The following QRICH1 variants were observed in gnomAD, a reference collection of about 807,000 sequenced individuals.
QRICH1 encodes transcriptional regulator QRICH1.
Under a neutral mutation model 87.1 loss-of-function variants are expected in QRICH1, and 16 were observed. That is an observed-to-expected ratio of 0.18 (90% CI 0.12 to 0.28). The LOEUF (loss-of-function observed/expected upper bound fraction) is 0.28, where lower values mean the gene tolerates loss of function less well. QRICH1 is among the 10% of genes least tolerant of loss of function. The pLI is 1.00. For missense variants in QRICH1, 647 were observed against 951.7 expected (o/e 0.68, Z 4.21); for synonymous variants, 367 against 368.4 (o/e 1.00, Z 0.05).
At chr3:49,088,654 C>G (rs1407872037) in intron 1 of QRICH1, among the ~76,000 whole-genome samples, 1 of 130,284 alleles carries the variant, frequency 7.7e-6, no homozygotes, top group Non-Finnish European at 1.6e-5. Flanking sequence ...GAGACAAGGT[C>G]TTGCTCCACT....
At position 49,057,434 on chromosome 3, in the gene QRICH1, C is replaced by T; in HGVS notation, c.766G>A (p.Val256Met). ...GGCTGCCCTGAGATGGCGTAGGACA[C>T]AGTGATGGGCATGTCCACTTTGCGC... ...KKRKVDMPIT[V>M]SYAISGQPVA... The change falls in exon 3 of 10, where the codon GTG (valine) becomes ATG (methionine). Residue 256 changes from valine to methionine, a missense_variant. Physicochemically the swap from Val to Met is conservative, Grantham distance 21 (BLOSUM62 1). This residue lies in a region of QRICH1 where 75 missense variants were observed against 141.0 expected (regional missense o/e 0.53). Transcript: ENST00000395443. This position sits in a 1 kb window ranked among gnomAD's most constrained non-coding sequence, Gnocchi z 5.4. The T allele has an allele frequency of 6.2e-7, 1 of 1,614,096 alleles. No individual in the cohort carries two copies. The highest frequency in any genetic ancestry group is 8.5e-7 in the Non-Finnish European group (1 of 1,180,026).
At chr3:49,051,729 C>A (rs868261535) in intron 3 of QRICH1, among the ~76,000 whole-genome samples, 1 of 152,130 alleles carries the variant, frequency 6.6e-6, no homozygotes, top group Non-Finnish European at 1.5e-5. Context: ...CTCTCTCCTT[C>A]GTTCAATGGC....
At chr3:49,073,898 C>G (rs775703531) in intron 2 of QRICH1, among the ~76,000 whole-genome samples, 3 of 151,950 alleles carry the variant, frequency 2.0e-5, no homozygotes, top group Non-Finnish European at 2.9e-5. Context: ...ATCCTCCCAC[C>G]TCAGCTTCCC....
chr3:49,048,186 G>T lies in QRICH1; in HGVS notation c.1339-940C>A, dbSNP rs1011141731. On this transcript the variant is annotated intron_variant, in intron 3 of 9. Transcript: ENST00000395443. ...CGCTCTTGTTCTTGGATGCTGGAGT[G>T]CAATGGCAGGATCTCGGCTCACCTC... 7.3e-5 allele frequency among the ~76,000 whole-genome samples: 11 copies of T among 150,864 alleles called. No individual in the cohort carries two copies. In the South Asian group the frequency reaches 8.4e-4, roughly 11 times the overall value.
chr3:49,068,866 A>G (rs1287239683), intron 2 of QRICH1, among the ~76,000 whole-genome samples: 3 of 151,834 alleles, frequency 2.0e-5, no homozygotes, highest in Non-Finnish European at 4.4e-5. Flanking sequence ...CCTGAGCTCA[A>G]GCAATCCACT....
At chr3:49,067,360 G>A (rs1269962754) in intron 2 of QRICH1, among the ~76,000 whole-genome samples, 1 of 151,834 alleles carries the variant, frequency 6.6e-6, no homozygotes, top group Non-Finnish European at 1.5e-5. Flanking sequence ...AAGGTCAGGA[G>A]ATCAAGACCA....
At position 49,033,111 on chromosome 3, in the gene QRICH1, A is replaced by G; in HGVS notation, c.1895+9T>C. The G allele has an allele frequency of 6.6e-7, 1 of 1,515,800 alleles. No individual in the cohort carries two copies. Among genetic ancestry groups the G allele is most frequent in the Non-Finnish European group, 8.9e-7 (1 of 1,127,800 alleles). The allele number at this position is 1,515,800 out of a possible 1,614,324, so 93.9% of individuals were successfully genotyped here. ...CAGATGCCAGCAGTGGAGCCTCTAGAACACTTACTTGGTATTAAAGAACAT... is the reference window on the plus strand; with the variant it reads ...CAGATGCCAGCAGTGGAGCCTCTAGGACACTTACTTGGTATTAAAGAACAT... On this transcript the variant is annotated intron_variant, in intron 7 of 9. Coordinates refer to ENST00000395443, the MANE Select transcript of QRICH1 (RefSeq NM_198880.3).
chr3:49,035,866 G>C (rs911841595), intron 6 of QRICH1, among the ~76,000 whole-genome samples: 2 of 151,054 alleles, frequency 1.3e-5, no homozygotes, highest in African/African-American at 4.9e-5. Context: ...CTGGAACCTA[G>C]GAGTTTGAGA....
In QRICH1 at chr3:49,076,923, T is replaced by C. The variant is rs774435612; in HGVS notation, c.95A>G (p.Asp32Gly). ...VPQHRMKEFL[D>G]SLASKGPEAL... ...TTCTGGCCCCTTAGAGGCCAGTGAG[T>C]CCAGAAATTCCTTCATCCTGTGTTG... Residue 32 changes from aspartate (D) to glycine (G), a missense_variant, in exon 2 of 10, where the codon GAC becomes GGC. Transcript: ENST00000395443. The C allele has an allele frequency of 6.2e-7, 1 of 1,612,750 alleles. No individual in the cohort carries two copies. Among genetic ancestry groups the C allele is most frequent in the Non-Finnish European group, 8.5e-7 (1 of 1,179,186 alleles).
In QRICH1 at chr3:49,044,384, T is replaced by G; in HGVS notation, c.1786+6A>C. 6.3e-7 allele frequency: 1 copy of G among 1,593,096 alleles called. No homozygotes were observed. The highest frequency in any genetic ancestry group is 8.6e-7 in the Non-Finnish European group (1 of 1,164,990). On this transcript the variant is annotated splice_donor_region_variant and intron_variant, in intron 6 of 9. Transcript: ENST00000395443. ...AAAGATATCCAAGGACAAGGGAGACTCTTACCAAGTGGAGTGACCCGGGGC... is the reference window on the plus strand; with the variant it reads ...AAAGATATCCAAGGACAAGGGAGACGCTTACCAAGTGGAGTGACCCGGGGC...
Position 49,076,704 on chromosome 3 carries a change from T to G in QRICH1, c.309+5A>C. 2 of 1,546,426 alleles carry G rather than the reference T, an allele frequency of 1.3e-6. No individual in the cohort carries two copies. Among genetic ancestry groups the G allele is most frequent in the Non-Finnish European group, 1.8e-6 (2 of 1,142,544 alleles). On this transcript the variant is annotated splice_donor_5th_base_variant and intron_variant, in intron 2 of 9. Transcript: ENST00000395443. ...ACAGGCTGCACCTCAGCATTTCCCA[T>G]ATACCTGAACCTGCTGCGGCTGCTG...
At chr3:49,066,384 T>G (rs1219013931) in intron 2 of QRICH1, among the ~76,000 whole-genome samples, 1 of 152,136 alleles carries the variant, frequency 6.6e-6, no homozygotes, top group Non-Finnish European at 1.5e-5. Flanking sequence ...TAAAACAAAA[T>G]GTCAAAAATC....
At chr3:49,079,403 TA>T (rs952094598) in intron 1 of QRICH1, among the ~76,000 whole-genome samples, 2 of 147,726 alleles carry the variant, frequency 1.4e-5, no homozygotes, top group Non-Finnish European at 3.0e-5. Flanking sequence ...AATAAATAAA[TA>T]AAATAAAATA....
chr3:49,054,758 C>T lies in QRICH1; in HGVS notation c.1338+2104G>A, dbSNP rs146642974. Among the ~76,000 whole-genome samples, 426 of 151,966 alleles carry T rather than the reference C, an allele frequency of 2.8e-3. 3 individuals are homozygous for T. The highest frequency in any genetic ancestry group is 9.6e-3 in the African/African-American group (396 of 41,430). Reference sequence around the variant, plus strand: ...TGTCTCTACAAATATATATATATGCCGAGTGTGGTAGTCTGTGCCTATAGT... The same window carrying T: ...TGTCTCTACAAATATATATATATGCTGAGTGTGGTAGTCTGTGCCTATAGT... On this transcript the variant is annotated intron_variant, in intron 3 of 9. Coordinates refer to ENST00000395443, the MANE Select transcript of QRICH1 (RefSeq NM_198880.3).
rs569795401 is a variant in QRICH1, at chr3:49,043,799, C to T, written c.1786+591G>A. On this transcript the variant is annotated intron_variant, in intron 6 of 9. Transcript: ENST00000395443. ...AGTGAGCCAAGATCGTGCCACTGCACTCCACCCTGGGCTATAGAGTGAGAC... is the reference window on the plus strand; with the variant it reads ...AGTGAGCCAAGATCGTGCCACTGCATTCCACCCTGGGCTATAGAGTGAGAC... Among the ~76,000 whole-genome samples the T allele has an allele frequency of 2.8e-3, 433 of 152,284 alleles. 7 individuals are homozygous for T. In the Middle Eastern group the frequency reaches 0.037, roughly 13 times the overall value.
rs1361937330 is a variant in QRICH1 at position 49,050,031 on chromosome 3, C to G, written c.1339-2785G>C. 2.0e-5 allele frequency among the ~76,000 whole-genome samples: 3 copies of G among 150,530 alleles called. No individual in the cohort carries two copies. In the South Asian group the frequency reaches 6.3e-4, roughly 32 times the overall value. Reference sequence around the variant, plus strand: ...CCTGGCCAACATGCTGAAACCCTGTCTCTACCAGAAATATAAAAAATTAGG... The same window carrying G: ...CCTGGCCAACATGCTGAAACCCTGTGTCTACCAGAAATATAAAAAATTAGG... On this transcript the variant is annotated intron_variant, in intron 3 of 9. Coordinates refer to ENST00000395443, the MANE Select transcript of QRICH1 (RefSeq NM_198880.3).
intron 7 of QRICH1, 139 bp from the exon 8 acceptor site, chr3:49,032,912 A>T (rs1359198314): frequency 3.7e-5 from 42 of 1,130,446 alleles, no homozygotes; most frequent in Non-Finnish European, 5.1e-5. Flanking sequence ...AGCAGTGTCC[A>T]GTGCAGGAAC....
In QRICH1 at chr3:49,057,972, C is replaced by G. The variant is rs1474422788; in HGVS notation, c.310-82G>C. 6.2e-7 allele frequency: 1 copy of G among 1,605,716 alleles called. No homozygotes were observed. Among genetic ancestry groups the G allele is most frequent in the South Asian group, 1.1e-5 (1 of 90,200 alleles). On this transcript the variant is annotated intron_variant, in intron 2 of 9. Coordinates refer to ENST00000395443, the MANE Select transcript of QRICH1 (RefSeq NM_198880.3). This position sits in a 1 kb window ranked among gnomAD's most constrained non-coding sequence, Gnocchi z 5.4. ...CCAAGGAAAGAAAGAAAAGAGATCC[C>G]AGACAGGGGACCTGCAAAATGTGAG...
At position 49,057,515 on chromosome 3, in the gene QRICH1, G is replaced by C. The variant is rs753480170; in HGVS notation, c.685C>G (p.Pro229Ala). 6.2e-7 allele frequency: 1 copy of C among 1,613,444 alleles called. No individual in the cohort carries two copies. The highest frequency in any genetic ancestry group is 8.5e-7 in the Non-Finnish European group (1 of 1,179,682). ...LSPPPSQQGS[P>A]REGERRVGTA... ...CCAACCCGCCGCTCCCCTTCCCGGG[G>C]TGAGCCCTGCTGGGATGGTGGTGGG... The change falls in exon 3 of 10, where the codon CCC (proline) becomes GCC (alanine). Residue 229 changes from proline (P) to alanine (A), a missense_variant. This residue lies in a region of QRICH1 where 156 missense variants were observed against 164.5 expected (regional missense o/e 0.95). Coordinates refer to ENST00000395443, the MANE Select transcript of QRICH1 (RefSeq NM_198880.3). This position sits in a 1 kb window ranked among gnomAD's most constrained non-coding sequence, Gnocchi z 5.4.
Sources: gnomAD v4.1 joint callset for allele counts (sites outside exome capture counted in the v4.1 genomes callset) on GRCh38, gnomAD v4.1.1 for gene constraint, gnomAD v4.1.1 regional missense constraint, Gnocchi (gnomAD v3.1) non-coding constraint, MANE v1.5 for transcripts, NCBI Gene and HGNC (gene_info 2026-07-23, HGNC 2026-07-21) for gene names.